Variants in LMBR1 observed in about 807,000 individuals in gnomAD.
LMBR1 encodes limb region 1 protein homolog.
In LMBR1, 52 loss-of-function variants were observed where a neutral mutation model predicts 73.9. The ratio of observed to expected loss-of-function variants is 0.70; its 90% confidence interval spans 0.56 to 0.89. The LOEUF (loss-of-function observed/expected upper bound fraction) is 0.89. Among genes scored for constraint, LMBR1 ranks in the 40% least tolerant of loss-of-function variants. The probability of loss-of-function intolerance (pLI) is 0.00; values close to 1 mark genes in which losing one functional copy is unlikely to be tolerated. For missense variants in LMBR1, 539 were observed against 579.8 expected (o/e 0.93, Z 0.72); for synonymous variants, 215 against 209.4 (o/e 1.03, Z -0.23).
At position 156,725,485 on chromosome 7, in the gene LMBR1, G is replaced by A. The variant is rs1263101718; in HGVS notation, c.1108C>T (p.Arg370Ter). 3.7e-6 allele frequency: 6 copies of A among 1,610,104 alleles called. No individual in the cohort carries two copies. Among genetic ancestry groups the A allele is most frequent in the South Asian group, 1.1e-5 (1 of 90,622 alleles). Reference protein sequence around the residue: ...VSSVVGFYSLRFFGNFTPKKD... With the variant: ...VSSVVGFYSL ...TTGGGAGTAAAGTTTCCAAAAAATC[G>A]AAGGCTATAGAAGCCGACAACAGAG... The change falls in exon 14 of 17, where the codon CGA (arginine) becomes TGA (stop). Residue 370 changes from arginine (R) to a stop codon, truncating the protein, a stop_gained. Coordinates refer to ENST00000353442, the MANE Select transcript of LMBR1 (RefSeq NM_022458.4). LOFTEE classifies it high-confidence loss of function.
At chr7:156,737,183 A>G (rs1818034771) in intron 9 of LMBR1, among the ~76,000 whole-genome samples, 1 of 152,194 alleles carries the variant, frequency 6.6e-6, no homozygotes, top group Admixed American at 6.5e-5. Flanking sequence ...AAGTCTGAAT[A>G]CTGTACCTTT....
intron 5 of LMBR1, among the ~76,000 whole-genome samples, chr7:156,765,736 G>A (rs1326594539): frequency 2.6e-5 from 4 of 152,092 alleles, no homozygotes; most frequent in African/African-American, 9.7e-5. Flanking sequence ...TAGCGTTTGT[G>A]TTACACTCTC....
chr7:156,891,267 CATACACATATAT>C (rs1464758490), intron 1 of LMBR1, among the ~76,000 whole-genome samples: 3 of 126,184 alleles, frequency 2.4e-5, no homozygotes, highest in Admixed American at 8.5e-5. Flanking sequence ...CACATATATA[CATACACATATAT>C]ATACACATAT....
chr7:156,727,021 GTCT>G (rs1254311394), intron 12 of LMBR1, among the ~76,000 whole-genome samples: 1 of 152,098 alleles, frequency 6.6e-6, no homozygotes, highest in Non-Finnish European at 1.5e-5. Flanking sequence ...TGTTTCTTTG[GTCT>G]TCTTTATTTC....
At chr7:156,718,304 G>A (rs889471894) in intron 15 of LMBR1, among the ~76,000 whole-genome samples, 2 of 151,794 alleles carry the variant, frequency 1.3e-5, no homozygotes, top group Admixed American at 6.6e-5. Flanking sequence ...CGAGGCTGAG[G>A]CAGGAGAATC....
chr7:156,763,620 A>C (rs1823536547), intron 6 of LMBR1, 49 bp downstream of exon 6: 1 of 1,514,408 alleles, frequency 6.6e-7, no homozygotes, highest in Non-Finnish European at 8.8e-7. Context: ...ATTATATCCC[A>C]AACTACAGTT....
Position 156,688,119 on chromosome 7 carries a change from G to C in LMBR1, c.1298C>G (p.Ser433Cys). 1 of 1,610,904 alleles carries C rather than the reference G, an allele frequency of 6.2e-7. No homozygotes were observed. Among genetic ancestry groups the C allele is most frequent in the Non-Finnish European group, 8.5e-7 (1 of 1,178,046 alleles). ...CACAATAGCAAAAAGCAAATTGTAG[G>C]ATAATACAATATAGAAATTTCCCAG... Reference protein sequence around the residue: ...NWLGNFYIVLSYNLLFAIVTT... With the variant: ...NWLGNFYIVLCYNLLFAIVTT... The change falls in exon 16 of 17, where the codon TCC becomes TGC. Residue 433 changes from serine (S) to cysteine (C), a missense_variant. Around this residue, in one of 3 missense-constraint regions of LMBR1, gnomAD observed 69 missense variants for 68.5 expected, o/e 1.01. Coordinates refer to ENST00000353442, the MANE Select transcript of LMBR1 (RefSeq NM_022458.4).
chr7:156,725,435 C>G lies in LMBR1; in HGVS notation c.1158G>C (p.Lys386Asn). 6.3e-7 allele frequency: 1 copy of G among 1,591,814 alleles called. No homozygotes were observed. Among genetic ancestry groups the G allele is most frequent in the Non-Finnish European group, 8.6e-7 (1 of 1,165,096 alleles). The change falls in exon 14 of 17, where the codon AAG becomes AAC. Residue 386 changes from lysine to asparagine, a missense_variant and splice_region_variant. Transcript: ENST00000353442. ...TPKKDDTTMT[K>N]IIGNCVSILV... ...ACAGTCACCTAAGATTCTACCTTACCTTTGTCATAGTTGTGTCATCTTTCT... is the reference window on the plus strand; with the variant it reads ...ACAGTCACCTAAGATTCTACCTTACGTTTGTCATAGTTGTGTCATCTTTCT...
intron 1 of LMBR1, among the ~76,000 whole-genome samples, chr7:156,842,817 G>A (rs1838956751): frequency 1.3e-5 from 2 of 152,138 alleles, no homozygotes; most frequent in Admixed American, 6.5e-5. Context: ...TAAAACATGA[G>A]AGCCAGATTC....
At chr7:156,880,746 G>A (rs577271257) in intron 1 of LMBR1, among the ~76,000 whole-genome samples, 17 of 152,146 alleles carry the variant, frequency 1.1e-4, no homozygotes, top group Non-Finnish European at 2.1e-4. Context: ...TCTGCCTCCT[G>A]GGTTCAAGTG....
chr7:156,818,800 A>G (rs549349771), intron 4 of LMBR1, among the ~76,000 whole-genome samples: 1 of 152,372 alleles, frequency 6.6e-6, no homozygotes, highest in East Asian at 1.9e-4. Flanking sequence ...TACACAAGAT[A>G]TAGAAAATGT....
chr7:156,878,263 G>C (rs1403503102), intron 1 of LMBR1, among the ~76,000 whole-genome samples: 1 of 152,294 alleles, frequency 6.6e-6, no homozygotes, highest in Admixed American at 6.5e-5. Context: ...AAATCAAACT[G>C]TTGCTGTTTG....
intron 14 of LMBR1, 134 bp from the exon 15 acceptor site, chr7:156,724,312 A>G: frequency 1.7e-6 from 1 of 600,260 alleles, no homozygotes. Context: ...GATACTATTC[A>G]GTACAGAATT....
chr7:156,868,117 G>C (rs1798731767), intron 1 of LMBR1, among the ~76,000 whole-genome samples: 2 of 151,152 alleles, frequency 1.3e-5, no homozygotes, highest in Admixed American at 1.3e-4. Flanking sequence ...AAATGAAAAA[G>C]GGAAAAAAGA....
chr7:156,776,006 C>T (rs1210515093), intron 5 of LMBR1, among the ~76,000 whole-genome samples: 2 of 150,506 alleles, frequency 1.3e-5, no homozygotes, highest in African/African-American at 4.9e-5. Flanking sequence ...AGCACCCCTA[C>T]CTTATAGGGT....
chr7:156,830,537 G>C (rs1157597016), intron 3 of LMBR1, among the ~76,000 whole-genome samples: 1 of 152,146 alleles, frequency 6.6e-6, no homozygotes, highest in African/African-American at 2.4e-5. Context: ...TTAGCATTTT[G>C]CTCACACCCT....
intron 9 of LMBR1, among the ~76,000 whole-genome samples, chr7:156,749,909 G>T (rs948837394): frequency 6.6e-6 from 1 of 152,052 alleles, no homozygotes; most frequent in Admixed American, 6.6e-5. Context: ...GGTGGGTCTT[G>T]AACTCCCAAC....
At chr7:156,839,425 A>G (rs184206787) in intron 1 of LMBR1, among the ~76,000 whole-genome samples, 58 of 152,268 alleles carry the variant, frequency 3.8e-4, no homozygotes, top group Non-Finnish European at 7.2e-4. Flanking sequence ...GACCGACAAA[A>G]AAGGATGGGT....
At position 156,683,880 on chromosome 7, in the gene LMBR1, G is replaced by A; in HGVS notation, c.*198C>T. 1.8e-6 allele frequency: 1 copy of A among 564,064 alleles called. No homozygotes were observed. The highest frequency in any genetic ancestry group is 3.1e-6 in the Non-Finnish European group (1 of 319,066). 34.9% of individuals were successfully genotyped at this position (564,064 alleles called of 1,614,324 possible). ...AATCTGCACTTAACTGGAAACTACA[G>A]GGTCCATCAGAAAGTTAAATTTAAA... On this transcript the variant is annotated 3_prime_UTR_variant, in exon 17 of 17. Coordinates refer to ENST00000353442, the MANE Select transcript of LMBR1 (RefSeq NM_022458.4).
Sources: gnomAD v4.1 joint callset for allele counts (sites outside exome capture counted in the v4.1 genomes callset) on GRCh38, gnomAD v4.1.1 for gene constraint, gnomAD v4.1.1 regional missense constraint, MANE v1.5 for transcripts, NCBI Gene and HGNC (gene_info 2026-07-23, HGNC 2026-07-21) for gene names.